THSD7B: variants seen among roughly 807,000 people sequenced by gnomAD.
THSD7B encodes the protein thrombospondin type-1 domain-containing protein 7B.
Under a neutral mutation model 213.6 loss-of-function variants are expected in THSD7B, and 138 were observed. The observed-to-expected ratio is 0.65, with a 90% confidence interval of 0.56 to 0.74. THSD7B has a LOEUF of 0.74. Ranked by LOEUF, THSD7B falls within the 30% of genes least tolerant of loss-of-function variation. THSD7B has a pLI of 0.00. For synonymous variants in THSD7B, 742 were observed against 687.0 expected, an observed-to-expected ratio of 1.08 and a Z score of -1.25; for missense variants, 1,931 against 1,991.5, an observed-to-expected ratio of 0.97 and a Z score of 0.58.
At chr2:137,099,219 G>A (rs1285242044) in intron 4 of THSD7B, among the ~76,000 whole-genome samples, 1 of 152,110 alleles carries the variant, frequency 6.6e-6, no homozygotes, top group Non-Finnish European at 1.5e-5. Context: ...TGGATGTCAT[G>A]TTATTCTATG....
chr2:137,669,165 A>G (rs768919005), intron 27 of THSD7B, among the ~76,000 whole-genome samples: 1 of 152,086 alleles, frequency 6.6e-6, no homozygotes, highest in Non-Finnish European at 1.5e-5. Flanking sequence ...CCCAGAGACT[A>G]TTTTCCGGAG....
chr2:137,093,567 C>G (rs1334009772), intron 3 of THSD7B, among the ~76,000 whole-genome samples: 1 of 152,164 alleles, frequency 6.6e-6, no homozygotes, highest in Non-Finnish European at 1.5e-5. Context: ...TTTGAATATG[C>G]TATCGTTTTA....
In THSD7B at chr2:137,056,730, C is replaced by T. The variant is rs751345638; in HGVS notation, c.450C>T (p.Asn150=). ...TGGTGCGCTGCATTCAGAAGCTGAA[C>T]CGAACTGTGGTTGCAAATGAAATAT... ...HRMVRCIQKL[N]RTVVANEICE... is the part of the protein sequence containing the mutation. Residue 150 remains asparagine (N), a synonymous_variant, in exon 3 of 28, where the codon AAC becomes AAT. Coordinates refer to ENST00000409968, the MANE Select transcript of THSD7B (RefSeq NM_001316349.2). 6.2e-7 allele frequency: 1 copy of T among 1,613,926 alleles called. No individual in the cohort carries two copies. Among genetic ancestry groups the T allele is most frequent in the South Asian group, 1.1e-5 (1 of 91,074 alleles).
At chr2:137,319,064 T>C (rs1181257791) in intron 12 of THSD7B, among the ~76,000 whole-genome samples, 1 of 152,044 alleles carries the variant, frequency 6.6e-6, no homozygotes, top group Non-Finnish European at 1.5e-5. Context: ...CGTCTTACTG[T>C]TTCTGATCTT....
chr2:136,851,323 A>G (rs536008955), intron 1 of THSD7B, among the ~76,000 whole-genome samples: 1 of 152,026 alleles, frequency 6.6e-6, no homozygotes, highest in East Asian at 1.9e-4. Context: ...TATCATTTGC[A>G]TGGTATATAG....
chr2:137,592,662 C>T (rs1412718694), intron 17 of THSD7B, among the ~76,000 whole-genome samples: 1 of 151,886 alleles, frequency 6.6e-6, no homozygotes, highest in African/African-American at 2.4e-5. Flanking sequence ...TAGGGTTTTA[C>T]ATGTTTATTT....
intron 2 of THSD7B, among the ~76,000 whole-genome samples, chr2:136,947,450 C>CA (rs1209597112): frequency 1.3e-5 from 2 of 152,134 alleles, no homozygotes; most frequent in Non-Finnish European, 2.9e-5. Context: ...AAAAATCTGT[C>CA]AAATGCCAGT....
chr2:137,634,966 A>G (rs1030089712), intron 20 of THSD7B, among the ~76,000 whole-genome samples: 3 of 151,982 alleles, frequency 2.0e-5, no homozygotes, highest in African/African-American at 7.3e-5. Flanking sequence ...CTCACTGTCT[A>G]TTATTTTTTC....
At chr2:137,316,826 G>A (rs1343288575) in intron 12 of THSD7B, among the ~76,000 whole-genome samples, 1 of 152,046 alleles carries the variant, frequency 6.6e-6, no homozygotes, top group Admixed American at 6.6e-5. Context: ...AATTTTGATG[G>A]GGAGAGGATG....
chr2:137,092,593 C>T (rs766112412), intron 3 of THSD7B, among the ~76,000 whole-genome samples: 1 of 151,982 alleles, frequency 6.6e-6, no homozygotes, highest in African/African-American at 2.4e-5. Context: ...TGATCGCTCC[C>T]CCATTTATGT....
intron 4 of THSD7B, among the ~76,000 whole-genome samples, chr2:137,101,713 T>G (rs572687064): frequency 6.6e-6 from 1 of 152,204 alleles, no homozygotes; most frequent in East Asian, 1.9e-4. Context: ...GGGAGGGGTG[T>G]CCGCCATTAC....
chr2:137,300,153 T>C (rs1683565890), intron 12 of THSD7B, among the ~76,000 whole-genome samples: 1 of 152,198 alleles, frequency 6.6e-6, no homozygotes, highest in Non-Finnish European at 1.5e-5. Context: ...AATTTTATTA[T>C]ACTTAGCATT....
intron 12 of THSD7B, among the ~76,000 whole-genome samples, chr2:137,373,103 G>A (rs1222587786): frequency 6.6e-6 from 1 of 151,978 alleles, no homozygotes; most frequent in African/African-American, 2.4e-5. Context: ...ATCATTGTTG[G>A]ACATTTGGGT....
At chr2:137,095,541 A>T (rs1351137909) in intron 4 of THSD7B, among the ~76,000 whole-genome samples, 1 of 152,178 alleles carries the variant, frequency 6.6e-6, no homozygotes, top group Admixed American at 6.5e-5. Flanking sequence ...AGATTAAATG[A>T]TTTCTGAAGT....
At chr2:137,087,803 C>A (rs1328130074) in intron 3 of THSD7B, among the ~76,000 whole-genome samples, 1 of 152,008 alleles carries the variant, frequency 6.6e-6, no homozygotes. Flanking sequence ...AAAAACAATT[C>A]TAAAATTCAT....
At chr2:137,031,670 TAAC>T (rs1019437453) in intron 2 of THSD7B, among the ~76,000 whole-genome samples, 92 of 132,764 alleles carry the variant, frequency 6.9e-4, no homozygotes, top group African/African-American at 1.3e-3. Context: ...AAAAGAAGCA[TAAC>T]AACATGTATT....
At chr2:136,975,330 G>T (rs114959651) in intron 2 of THSD7B, among the ~76,000 whole-genome samples, 1,822 of 152,156 alleles carry the variant, frequency 0.012, 36 homozygotes, top group African/African-American at 0.042. Flanking sequence ...ATAGTTTTGG[G>T]CTTTACATTT....
At chr2:137,540,945 C>T (rs1680598536) in intron 15 of THSD7B, among the ~76,000 whole-genome samples, 2 of 151,636 alleles carry the variant, frequency 1.3e-5, no homozygotes, top group Non-Finnish European at 3.0e-5. Context: ...TAAGATCTCA[C>T]CTCAGGCAAA....
chr2:137,360,365 C>A (rs1184357297), intron 12 of THSD7B, among the ~76,000 whole-genome samples: 1 of 152,068 alleles, frequency 6.6e-6, no homozygotes, highest in African/African-American at 2.4e-5. Context: ...TGGGACTGGT[C>A]AGACAGGGTG....
Sources: allele counts gnomAD v4.1 joint callset (sites outside exome capture counted in the v4.1 genomes callset), GRCh38; gene constraint gnomAD v4.1.1; transcripts MANE v1.5; gene names NCBI Gene and HGNC (gene_info 2026-07-23, HGNC 2026-07-21).